The following MYRFL variants were observed in gnomAD, a reference collection of about 807,000 sequenced individuals.
MYRFL encodes myelin regulatory factor-like protein.
MYRFL carries 88 observed loss-of-function variants against 109.4 expected under a neutral mutation model. The observed-to-expected ratio is 0.80, with a 90% CI of 0.68 to 0.96. The LOEUF is 0.96. Ranked by LOEUF, MYRFL falls within the 40% of genes least tolerant of loss-of-function variation. The probability of loss-of-function intolerance (pLI) is 0.00; values close to 1 mark genes in which losing one functional copy is unlikely to be tolerated. For missense variants in MYRFL, 957 were observed against 954.9 expected (o/e 1.00, Z -0.03); for synonymous variants, 324 against 320.9 (o/e 1.01, Z -0.10).
intron 1 of MYRFL, among the ~76,000 whole-genome samples, chr12:69,853,037 C>T (rs1883983907): frequency 6.6e-6 from 1 of 152,250 alleles, no homozygotes; most frequent in Non-Finnish European, 1.5e-5. Context: ...CCCCACATTT[C>T]CCCCTTTTTC....
chr12:69,953,795 A>T (rs984397343), intron 21 of MYRFL, among the ~76,000 whole-genome samples: 2 of 151,506 alleles, frequency 1.3e-5, no homozygotes, highest in African/African-American at 4.9e-5. Context: ...ACACACACAC[A>T]CACGGAATGG....
intron 2 of MYRFL, among the ~76,000 whole-genome samples, chr12:69,876,403 T>C (rs184220781): frequency 6.6e-6 from 1 of 152,312 alleles, no homozygotes; most frequent in Admixed American, 6.5e-5. Flanking sequence ...TTTAAAGTAT[T>C]TCCAGCATTT....
intron 1 of MYRFL, among the ~76,000 whole-genome samples, chr12:69,848,964 C>T (rs1450402918): frequency 2.6e-5 from 4 of 152,252 alleles, no homozygotes; most frequent in East Asian, 1.9e-4. Context: ...CTCTACCTCC[C>T]GGGTTCAAGT....
chr12:69,945,308 C>G (rs1020179621), intron 19 of MYRFL, among the ~76,000 whole-genome samples: 1 of 152,048 alleles, frequency 6.6e-6, no homozygotes, highest in East Asian at 1.9e-4. Context: ...AACTTCCAGC[C>G]CTGTAAGCTC....
At chr12:69,834,645 T>C (rs926027588) in intron 1 of MYRFL, among the ~76,000 whole-genome samples, 1 of 152,234 alleles carries the variant, frequency 6.6e-6, no homozygotes, top group Non-Finnish European at 1.5e-5. Flanking sequence ...GTTTTATTTA[T>C]TGTGAAACAA....
intron 6 of MYRFL, among the ~76,000 whole-genome samples, chr12:69,890,378 AG>A (rs2136337816): frequency 1.3e-5 from 2 of 152,342 alleles, no homozygotes; most frequent in South Asian, 4.1e-4. Flanking sequence ...TCAAATTAAA[AG>A]TCTAAAAAAC....
chr12:69,939,400 C>CCTAA, intron 19 of MYRFL, among the ~76,000 whole-genome samples: 1 of 152,300 alleles, frequency 6.6e-6, no homozygotes, highest in South Asian at 2.1e-4. Flanking sequence ...CCCCGAGCAG[C>CCTAA]CTAACTGGGA....
At chr12:69,926,108 C>CT (rs1378882537) in intron 13 of MYRFL, among the ~76,000 whole-genome samples, 1 of 98,400 alleles carries the variant, frequency 1.0e-5, no homozygotes, top group African/African-American at 4.3e-5. Context: ...GACTTTCTTT[C>CT]TTCTTCTTCT....
chr12:69,901,661 C>T (rs1488303704), intron 10 of MYRFL, among the ~76,000 whole-genome samples: 1 of 152,138 alleles, frequency 6.6e-6, no homozygotes. Context: ...GAGAAAAATA[C>T]ATCACCATCT....
In MYRFL at chr12:69,939,706, G is replaced by T. The variant is rs900302138; in HGVS notation, c.2224+3074G>T. 4.9e-3 allele frequency among the ~76,000 whole-genome samples: 739 copies of T among 152,200 alleles called. 9 individuals carry two copies. Among genetic ancestry groups the T allele is most frequent in the African/African-American group, 0.017 (711 of 41,502 alleles). ...AAGCTGGACGGAGAATGACTTTGAC[G>T]AGCTGAGAGAAGAAGGCTTCAGACG... is the stretch of plus-strand genomic sequence containing the variant. On this transcript the variant is annotated intron_variant, in intron 19 of 24. Coordinates refer to ENST00000552032, the MANE Select transcript of MYRFL (RefSeq NM_182530.3).
intron 19 of MYRFL, among the ~76,000 whole-genome samples, chr12:69,937,648 G>A (rs373070850): frequency 6.6e-6 from 1 of 152,116 alleles, no homozygotes. Flanking sequence ...AGCAAGTCAC[G>A]TCACATTGGT....
chr12:69,950,860 A>G (rs1298826304), intron 19 of MYRFL, among the ~76,000 whole-genome samples: 2 of 152,246 alleles, frequency 1.3e-5, no homozygotes, highest in Non-Finnish European at 2.9e-5. Flanking sequence ...AATAATTTCA[A>G]TTAACAATGT....
chr12:69,900,319 A>G (rs1262442975), intron 10 of MYRFL, among the ~76,000 whole-genome samples: 2 of 152,194 alleles, frequency 1.3e-5, no homozygotes, highest in African/African-American at 4.8e-5. Context: ...GTTTACTCAA[A>G]GAAAACAGTT....
At chr12:69,929,370 A>AAGAAC (rs2120457613) in intron 15 of MYRFL, among the ~76,000 whole-genome samples, 1 of 152,210 alleles carries the variant, frequency 6.6e-6, no homozygotes, top group South Asian at 2.1e-4. Context: ...AAAAAATACA[A>AAGAAC]AGAACAGTTG....
At chr12:69,848,802 A>G (rs115722401) in intron 1 of MYRFL, among the ~76,000 whole-genome samples, 1,895 of 152,322 alleles carry the variant, frequency 0.012, 42 homozygotes, top group African/African-American at 0.042. Flanking sequence ...TTTATTTCTA[A>G]CATTAATGAA....
chr12:69,886,490 TCAC>T (rs1397827227), intron 5 of MYRFL, among the ~76,000 whole-genome samples: 1 of 152,138 alleles, frequency 6.6e-6, no homozygotes, highest in Non-Finnish European at 1.5e-5. Flanking sequence ...TTGAGCTGGG[TCAC>T]CTATCCTCCC....
intron 2 of MYRFL, among the ~76,000 whole-genome samples, chr12:69,874,417 A>G (rs985504926): frequency 3.9e-5 from 6 of 152,036 alleles, no homozygotes; most frequent in African/African-American, 1.4e-4. Context: ...GTCTTAAGCA[A>G]CTCTTCTCCT....
Position 69,897,183 on chromosome 12 carries a change from T to C in MYRFL, c.1119T>C (p.Tyr373=). ...QRYFMLVVGL[Y]AANQDQFYLL... is the part of the protein sequence containing the mutation. ...ACTTCATGTTGGTGGTTGGACTGTATGCTGCTAACCAAGACCAGTTCTATC... is the reference window on the plus strand; with the variant it reads ...ACTTCATGTTGGTGGTTGGACTGTACGCTGCTAACCAAGACCAGTTCTATC... Residue 373 remains tyrosine, a synonymous_variant, in exon 10 of 25, where the codon TAT becomes TAC. Coordinates refer to ENST00000552032, the MANE Select transcript of MYRFL (RefSeq NM_182530.3). 6.5e-7 allele frequency: 1 copy of C among 1,535,858 alleles called. No individual in the cohort carries two copies. Among genetic ancestry groups the C allele is most frequent in the Non-Finnish European group, 8.7e-7 (1 of 1,146,672 alleles).
chr12:69,950,225 AT>A (rs1462215867), intron 19 of MYRFL, among the ~76,000 whole-genome samples: 2 of 151,758 alleles, frequency 1.3e-5, no homozygotes, highest in East Asian at 3.9e-4. Context: ...ATTTTTCTTC[AT>A]TTTTACCCAC....
Sources: allele counts gnomAD v4.1 joint callset (sites outside exome capture counted in the v4.1 genomes callset), GRCh38; gene constraint gnomAD v4.1.1; transcripts MANE v1.5; gene names NCBI Gene and HGNC (gene_info 2026-07-23, HGNC 2026-07-21).